The following ZNF529 variants were observed in gnomAD, a reference collection of about 807,000 sequenced individuals.
ZNF529 encodes zinc finger protein 529.
Under a neutral mutation model 10.1 loss-of-function variants are expected in ZNF529, and 11 were observed. The ratio of observed to expected loss-of-function variants is 1.09; its 90% confidence interval spans 0.69 to 1.81. The LOEUF (loss-of-function observed/expected upper bound fraction) is 1.81, where lower values mean the gene tolerates loss of function less well. Ranked by LOEUF, ZNF529 falls within the 40% of genes most tolerant of loss-of-function variation. The pLI, the probability that ZNF529 is intolerant of heterozygous loss-of-function variation, is 0.00. For synonymous variants in ZNF529, 204 were observed against 215.7 expected (o/e 0.95, Z 0.47); for missense variants, 624 against 666.8 (o/e 0.94, Z 0.71).
chr19:36,583,643 A>G (rs902329819), intron 2 of ZNF529, among the ~76,000 whole-genome samples: 2 of 152,216 alleles, frequency 1.3e-5, no homozygotes, highest in Admixed American at 6.5e-5. Context: ...ACTGCATATA[A>G]TATGACAATA....
chr19:36,603,481 AC>A (rs2036962861), intron 1 of ZNF529, among the ~76,000 whole-genome samples: 1 of 152,190 alleles, frequency 6.6e-6, no homozygotes, highest in Non-Finnish European at 1.5e-5. Context: ...ATCCTGAAAA[AC>A]AAAAATGCAT....
At chr19:36,579,549 A>G (rs545980113) in intron 2 of ZNF529, among the ~76,000 whole-genome samples, 1 of 152,362 alleles carries the variant, frequency 6.6e-6, no homozygotes, top group Admixed American at 6.5e-5. Context: ...CTCCTAGGCT[A>G]CAAACCTGTA....
rs1288665847 is a variant in ZNF529, at chr19:36,546,615, A to G, written c.*251T>C. ...CATCAAAAGCTATTGTAAACAAAAC[A>G]TGCCAGGATGAGAAACTCATGAAAA... is the stretch of plus-strand genomic sequence containing the variant. On this transcript the variant is annotated 3_prime_UTR_variant, in exon 5 of 5. Coordinates refer to ENST00000591340, the MANE Select transcript of ZNF529 (RefSeq NM_020951.5). 2 of 382,334 alleles carry G rather than the reference A, an allele frequency of 5.2e-6. No homozygotes were observed. Among genetic ancestry groups the G allele is most frequent in the Non-Finnish European group, 9.3e-6 (2 of 214,446 alleles). The allele number at this position is 382,334 out of a possible 1,614,324, so 23.7% of individuals were successfully genotyped here.
intron 2 of ZNF529, among the ~76,000 whole-genome samples, chr19:36,562,661 C>A (rs888544117): frequency 2.6e-5 from 4 of 151,780 alleles, no homozygotes; most frequent in Admixed American, 2.0e-4. Flanking sequence ...GGGTGAAACC[C>A]CGTCTCTACT....
chr19:36,596,265 G>C (rs979773509), intron 1 of ZNF529, among the ~76,000 whole-genome samples: 17 of 151,258 alleles, frequency 1.1e-4, no homozygotes, highest in African/African-American at 4.1e-4. Context: ...GTAGAGACAG[G>C]GTTTCACTAT....
chr19:36,547,825 A>T lies in ZNF529; in HGVS notation c.733T>A (p.Tyr245Asn). ...AACTTCTCATTATGAATTTTCTGGT[A>T]TACATTAAAGTCTTTATAAAAACTA... ...TCSFYKDFNV[Y>N]QKIHNEKFYK... The change falls in exon 5 of 5, where the codon TAC becomes AAC. Residue 245 changes from tyrosine to asparagine, a missense_variant. Transcript: ENST00000591340. 1 of 1,609,992 alleles carries T rather than the reference A, an allele frequency of 6.2e-7. No homozygotes were observed. The highest frequency in any genetic ancestry group is 8.5e-7 in the Non-Finnish European group (1 of 1,177,988).
chr19:36,603,375 TTCA>T (rs1186031318), intron 1 of ZNF529, among the ~76,000 whole-genome samples: 2 of 152,172 alleles, frequency 1.3e-5, no homozygotes, highest in Non-Finnish European at 2.9e-5. Flanking sequence ...GAGATCTGTC[TTCA>T]TAATGTCATC....
chr19:36,567,955 C>T (rs939716465), intron 2 of ZNF529, among the ~76,000 whole-genome samples: 43 of 152,128 alleles, frequency 2.8e-4, no homozygotes, highest in African/African-American at 1.0e-3. Flanking sequence ...AAAACTCCTA[C>T]AACTCAGCCC....
At chr19:36,573,727 C>G (rs1231487571), upstream of ZNF529, among the ~76,000 whole-genome samples, 2 of 152,152 alleles carry the variant, frequency 1.3e-5, no homozygotes, top group African/African-American at 4.8e-5. Context: ...GGAGGAAACC[C>G]GGACCCCAGG....
At chr19:36,583,828 G>A (rs2036522430) in intron 2 of ZNF529, among the ~76,000 whole-genome samples, 1 of 151,934 alleles carries the variant, frequency 6.6e-6, no homozygotes, top group Non-Finnish European at 1.5e-5. Flanking sequence ...AGATATATCT[G>A]AAGAGATTAC....
intron 2 of ZNF529, among the ~76,000 whole-genome samples, chr19:36,562,892 T>C (rs1485585763): frequency 6.6e-6 from 1 of 151,736 alleles, no homozygotes; most frequent in East Asian, 1.9e-4. Flanking sequence ...CTCCTCCCTT[T>C]GTGAATGGGA....
At chr19:36,572,299 G>T in intron 2 of ZNF529, 34 bp downstream of exon 2, 1 of 1,543,846 alleles carries the variant, frequency 6.5e-7, no homozygotes, top group South Asian at 1.2e-5. Flanking sequence ...AGAAAACCAA[G>T]GGACCAGGTA....
At chr19:36,570,377 A>AAAG in intron 2 of ZNF529, among the ~76,000 whole-genome samples, 1 of 151,160 alleles carries the variant, frequency 6.6e-6, no homozygotes, top group South Asian at 2.1e-4. Context: ...AAAAAAAAAA[A>AAAG]AAAAGAAAAG....
At chr19:36,553,788 C>G (rs2035354128) in intron 4 of ZNF529, among the ~76,000 whole-genome samples, 1 of 152,202 alleles carries the variant, frequency 6.6e-6, no homozygotes, top group South Asian at 2.1e-4. Flanking sequence ...AATCTACAAT[C>G]TGAAATTCAG....
At chr19:36,594,870 CT>C (rs1232136410) in intron 1 of ZNF529, among the ~76,000 whole-genome samples, 1 of 139,858 alleles carries the variant, frequency 7.2e-6, no homozygotes, top group Non-Finnish European at 1.6e-5. Context: ...CTTCCTATTT[CT>C]TTTTTCTTTT....
intron 2 of ZNF529, among the ~76,000 whole-genome samples, chr19:36,559,681 C>CT (rs943638735): frequency 6.6e-6 from 1 of 152,104 alleles, no homozygotes; most frequent in African/African-American, 2.4e-5. Context: ...GTATGGAAAC[C>CT]TAAGTGTCCA....
At chr19:36,590,565 TGA>T (rs1188638387) in intron 1 of ZNF529, among the ~76,000 whole-genome samples, 2 of 151,758 alleles carry the variant, frequency 1.3e-5, no homozygotes, top group East Asian at 1.9e-4. Context: ...GGAAATAAGA[TGA>T]GAGAAAAAAA....
At chr19:36,579,326 A>G (rs1448104984) in intron 2 of ZNF529, among the ~76,000 whole-genome samples, 1 of 152,230 alleles carries the variant, frequency 6.6e-6, no homozygotes, top group Non-Finnish European at 1.5e-5. Context: ...GTATCAGATA[A>G]TAGGCCTCAA....
At chr19:36,572,862 A>G (rs1319211964) in intron 1 of ZNF529, among the ~76,000 whole-genome samples, 1 of 152,062 alleles carries the variant, frequency 6.6e-6, no homozygotes, top group African/African-American at 2.4e-5. Flanking sequence ...AGTCGGAAAA[A>G]TGACGCTTTA....
Sources: gnomAD v4.1 joint callset for allele counts (sites outside exome capture counted in the v4.1 genomes callset) on GRCh38, gnomAD v4.1.1 for gene constraint, MANE v1.5 for transcripts, NCBI Gene and HGNC (gene_info 2026-07-23, HGNC 2026-07-21) for gene names.